TRPV4: variants seen among roughly 807,000 people sequenced by gnomAD.
TRPV4 encodes OSM9-like transient receptor potential channel 4.
Under a neutral mutation model 84.1 loss-of-function variants are expected in TRPV4, and 58 were observed. That is an observed-to-expected ratio of 0.69 (90% CI 0.56 to 0.86). The LOEUF is 0.86. Among genes scored for constraint, TRPV4 ranks in the 40% least tolerant of loss-of-function variants. TRPV4 has a pLI of 0.00. For missense variants in TRPV4, 879 were observed against 1,181.1 expected (o/e 0.74, Z 3.75); for synonymous variants, 489 against 500.9 (o/e 0.98, Z 0.32).
intron 2 of TRPV4, among the ~76,000 whole-genome samples, chr12:109,809,652 CCCATCCATCCAT>C (rs201492027): frequency 3.3e-4 from 49 of 148,324 alleles, no homozygotes; most frequent in Middle Eastern, 3.4e-3. Flanking sequence ...CACCCACCCA[CCCATCCATCCAT>C]CCATCCATCC....
Position 109,783,599 on chromosome 12 carries a change from A to T in TRPV4, c.*22T>A. The stretch of plus-strand genomic sequence containing the variant: ...TGGACTAGAAATGAGTGGGCAGAGA[A>T]GCTGGGGCTGGGCTGCAGTCCCTAG... On this transcript the variant is annotated 3_prime_UTR_variant, in exon 16 of 16. Transcript: ENST00000261740. The surrounding 1 kb of genome is among the most constrained non-coding windows in gnomAD (Gnocchi z 4.6). 1 of 1,608,506 alleles carries T rather than the reference A, an allele frequency of 6.2e-7. No individual in the cohort carries two copies. Among genetic ancestry groups the T allele is most frequent in the Non-Finnish European group, 8.5e-7 (1 of 1,176,530 alleles).
chr12:109,800,971 T>C (rs1208992382), intron 4 of TRPV4, among the ~76,000 whole-genome samples: 1 of 152,224 alleles, frequency 6.6e-6, no homozygotes, highest in Non-Finnish European at 1.5e-5. Context: ...GGATACCTAG[T>C]TTGTGGAATC....
intron 1 of TRPV4, among the ~76,000 whole-genome samples, chr12:109,818,252 C>T (rs1340806451): frequency 6.6e-6 from 1 of 152,094 alleles, no homozygotes; most frequent in African/African-American, 2.4e-5. Context: ...AGCTCGGCCA[C>T]CTCACCAGGC....
At position 109,822,057 on chromosome 12, in the gene TRPV4, G is replaced by C. The variant is rs137866253; in HGVS notation, c.-31-7230C>G. 9.1e-3 allele frequency among the ~76,000 whole-genome samples: 1,381 copies of C among 152,232 alleles called. 27 individuals carry two copies. The highest frequency in any genetic ancestry group is 0.031 in the African/African-American group (1,302 of 41,516). Reference sequence around the variant, plus strand: ...CAGAATCCTGATGGGGAGGGGGAAAGGCTGTGAGGAGGAGGAGGAGGAAGA... The same window carrying C: ...CAGAATCCTGATGGGGAGGGGGAAACGCTGTGAGGAGGAGGAGGAGGAAGA... On this transcript the variant is annotated intron_variant, in intron 1 of 15. Transcript: ENST00000261740.
At chr12:109,817,081 G>A (rs1891883977) in intron 1 of TRPV4, among the ~76,000 whole-genome samples, 1 of 152,182 alleles carries the variant, frequency 6.6e-6, no homozygotes, top group Admixed American at 6.5e-5. Context: ...GACCTCTGGA[G>A]ACACGAAGTC....
intron 1 of TRPV4, among the ~76,000 whole-genome samples, chr12:109,820,441 A>AC (rs1239417457): frequency 1.3e-5 from 2 of 149,244 alleles, no homozygotes; most frequent in African/African-American, 4.9e-5. Context: ...CAGATCCCAG[A>AC]CCCACAGCTC....
rs545156404 is a variant in TRPV4 at position 109,802,116 on chromosome 12, C to A, written c.712+875G>T. 6.1e-5 allele frequency among the ~76,000 whole-genome samples: 9 copies of A among 148,570 alleles called. No individual in the cohort carries two copies. In the South Asian group the frequency reaches 2.0e-3, roughly 32 times the overall value. Reference sequence around the variant, plus strand: ...CATGATCACTAGACTCGCTGCATCTCAGAATCTTGGAATCTTTTTTTTTTT... The same window carrying A: ...CATGATCACTAGACTCGCTGCATCTAAGAATCTTGGAATCTTTTTTTTTTT... On this transcript the variant is annotated intron_variant, in intron 4 of 15. Coordinates refer to ENST00000261740, the MANE Select transcript of TRPV4 (RefSeq NM_021625.5).
chr12:109,812,308 C>T (rs1891569043), intron 2 of TRPV4, among the ~76,000 whole-genome samples: 1 of 152,114 alleles, frequency 6.6e-6, no homozygotes, highest in Non-Finnish European at 1.5e-5. Flanking sequence ...ATGCTGTGGC[C>T]CCATCCAGGG....
intron 12 of TRPV4, among the ~76,000 whole-genome samples, chr12:109,789,480 A>G (rs1380916592): frequency 6.6e-6 from 1 of 152,208 alleles, no homozygotes; most frequent in Non-Finnish European, 1.5e-5. Context: ...TGGGGGCTGA[A>G]ACCAGGCATC....
rs115034565 is a variant in TRPV4 at position 109,816,066 on chromosome 12, T to C, written c.-31-1239A>G. On this transcript the variant is annotated intron_variant, in intron 1 of 15. Transcript: ENST00000261740. ...AGGCAGGGGCATGTCTGAAAAGCCC[T>C]CTCTTGTACATCTCACCCTTCCCAC... 6.7e-3 allele frequency among the ~76,000 whole-genome samples: 1,021 copies of C among 152,336 alleles called. 12 individuals are homozygous for C. The highest frequency in any genetic ancestry group is 0.023 in the African/African-American group (964 of 41,576).
At position 109,788,618 on chromosome 12, in the gene TRPV4, C is replaced by T. The variant is rs1270661327; in HGVS notation, c.1990G>A (p.Glu664Lys). ...TCCAGGAGGAAGGTGCTGAAGGTCT[C>T]GCTGTCACGGCACGAGGGGTAAGTG... ...VPTYPSCRDS[E>K]TFSTFLLDLF... The change falls in exon 13 of 16, where the codon GAG becomes AAG. Residue 664 changes from glutamate (E) to lysine (K), a missense_variant. Around this residue, in one of 4 missense-constraint regions of TRPV4, gnomAD observed 242 missense variants for 355.3 expected, o/e 0.68. Coordinates refer to ENST00000261740, the MANE Select transcript of TRPV4 (RefSeq NM_021625.5). 7.4e-6 allele frequency: 12 copies of T among 1,614,098 alleles called. No individual in the cohort carries two copies. Among genetic ancestry groups the T allele is most frequent in the Admixed American group, 3.3e-5 (2 of 60,010 alleles).
intron 1 of TRPV4, among the ~76,000 whole-genome samples, chr12:109,820,854 G>T (rs1045128312): frequency 5.3e-5 from 8 of 152,142 alleles, no homozygotes; most frequent in African/African-American, 1.9e-4. Context: ...TCGTAATAGG[G>T]TCGTTGTGAG....
intron 3 of TRPV4, among the ~76,000 whole-genome samples, chr12:109,806,148 C>T (rs973879087): frequency 1.3e-5 from 2 of 152,168 alleles, no homozygotes; most frequent in Non-Finnish European, 1.5e-5. Flanking sequence ...GGCCACGTCG[C>T]GTGGCCAGGA....
intron 12 of TRPV4, among the ~76,000 whole-genome samples, 171 bp downstream of exon 12, chr12:109,792,192 G>T (rs972799936): frequency 1.4e-5 from 2 of 146,826 alleles, no homozygotes; most frequent in Non-Finnish European, 3.0e-5. Flanking sequence ...ACAGTGAGCT[G>T]AGATTGTGCC....
intron 2 of TRPV4, among the ~76,000 whole-genome samples, chr12:109,811,629 G>A (rs1408766087): frequency 6.6e-6 from 1 of 151,256 alleles, no homozygotes; most frequent in Non-Finnish European, 1.5e-5. Flanking sequence ...CTGCACTCCA[G>A]CCTGAGTGGC....
chr12:109,791,476 C>T (rs1037095644), intron 12 of TRPV4, among the ~76,000 whole-genome samples: 30 of 150,090 alleles, frequency 2.0e-4, no homozygotes, highest in African/African-American at 6.9e-4. Flanking sequence ...TGCCATTCAC[C>T]AGCTTTTTTT....
chr12:109,787,933 G>A (rs555375554), intron 13 of TRPV4, among the ~76,000 whole-genome samples: 14 of 152,312 alleles, frequency 9.2e-5, no homozygotes, highest in African/African-American at 2.9e-4. Flanking sequence ...GGGCCAAGGC[G>A]GCCCCTGTCC....
At chr12:109,818,890 C>T (rs946218687) in intron 1 of TRPV4, among the ~76,000 whole-genome samples, 9 of 152,132 alleles carry the variant, frequency 5.9e-5, no homozygotes, top group East Asian at 1.9e-4. Flanking sequence ...TTCAATCCCC[C>T]GAAGAACCTG....
In TRPV4 at chr12:109,786,770, C is replaced by T; in HGVS notation, c.2276G>A (p.Gly759Glu). The T allele has an allele frequency of 6.2e-7, 1 of 1,614,038 alleles. No individual in the cohort carries two copies. The highest frequency in any genetic ancestry group is 8.5e-7 in the Non-Finnish European group (1 of 1,180,026). The change falls in exon 14 of 16, where the codon GGG becomes GAG. Residue 759 changes from glycine to glutamate, a missense_variant. Gly to Glu is a moderately conservative substitution (Grantham distance 98). This residue lies in a region of TRPV4 where 242 missense variants were observed against 355.3 expected (regional missense o/e 0.68). Coordinates refer to ENST00000261740, the MANE Select transcript of TRPV4 (RefSeq NM_021625.5). The surrounding 1 kb of genome is among the most constrained non-coding windows in gnomAD (Gnocchi z 4.5). Reference protein sequence around the residue: ...PVFLRKAFRSGEMVTVGKSSD... With the variant: ...PVFLRKAFRSEEMVTVGKSSD... ...GCTCTTGCCCACGGTGACCATCTCCCCAGAGCGGAAGGCCTTCCTCAGGAA... is the reference window on the plus strand; with the variant it reads ...GCTCTTGCCCACGGTGACCATCTCCTCAGAGCGGAAGGCCTTCCTCAGGAA...
Sources: allele counts gnomAD v4.1 joint callset (sites outside exome capture counted in the v4.1 genomes callset), GRCh38; gene constraint gnomAD v4.1.1; regional missense constraint gnomAD v4.1.1; non-coding constraint Gnocchi (gnomAD v3.1); transcripts MANE v1.5; gene names NCBI Gene and HGNC (gene_info 2026-07-23, HGNC 2026-07-21).